Variants in SORL1 observed in about 807,000 individuals in gnomAD.
SORL1 encodes the protein sortilin-related receptor.
In SORL1, 127 loss-of-function variants were observed where a neutral mutation model predicts 273.7. That is an observed-to-expected ratio of 0.46 (90% CI 0.40 to 0.54). The LOEUF (loss-of-function observed/expected upper bound fraction) is 0.54. SORL1 is among the 20% of genes least tolerant of loss of function. SORL1 has a pLI of 0.00. For missense variants in SORL1, 2,494 were observed against 2,846.1 expected (o/e 0.88, Z 2.81); for synonymous variants, 1,031 against 1,067.4 (o/e 0.97, Z 0.66).
chr11:121,505,023 A>G (rs1293772317), intron 6 of SORL1, among the ~76,000 whole-genome samples: 2 of 152,100 alleles, frequency 1.3e-5, no homozygotes, highest in African/African-American at 4.8e-5. Flanking sequence ...CATATGTTAA[A>G]CCAATGCACA....
At chr11:121,537,496 A>G (rs541568654) in intron 12 of SORL1, among the ~76,000 whole-genome samples, 14 of 152,266 alleles carry the variant, frequency 9.2e-5, no homozygotes, top group Middle Eastern at 6.8e-3. Flanking sequence ...GTAGGCTTGC[A>G]GGGCTGTATA....
chr11:121,512,389 A>G (rs972088394), intron 6 of SORL1, among the ~76,000 whole-genome samples: 5 of 152,202 alleles, frequency 3.3e-5, no homozygotes, highest in African/African-American at 7.2e-5. Flanking sequence ...CTAAAATGCA[A>G]TGTGATGTGG....
At chr11:121,545,176 G>T in intron 13 of SORL1, 67 bp from the exon 14 acceptor site, 2 of 1,490,982 alleles carry the variant, frequency 1.3e-6, no homozygotes, top group Non-Finnish European at 1.9e-6. Context: ...CAGGCACCTT[G>T]AGGCATAGCA....
chr11:121,550,523 G>C lies in SORL1; in HGVS notation c.2181-62G>C, dbSNP rs945740321. 5.8e-5 allele frequency: 83 copies of C among 1,418,870 alleles called. No individual in the cohort carries two copies. The highest frequency in any genetic ancestry group is 7.8e-5 in the Non-Finnish European group (78 of 1,003,550). The allele number at this position is 1,418,870 out of a possible 1,614,324, so 87.9% of individuals were successfully genotyped here. On this transcript the variant is annotated intron_variant, in intron 15 of 47. Transcript: ENST00000260197. This position sits in a 1 kb window ranked among gnomAD's most constrained non-coding sequence, Gnocchi z 5.3. ...GTGGGTAGTAAGTGTATTCCCAGCTGGGATGCCTTTGTGGCTATTCTTCCA... is the reference window on the plus strand; with the variant it reads ...GTGGGTAGTAAGTGTATTCCCAGCTCGGATGCCTTTGTGGCTATTCTTCCA...
chr11:121,559,143 C>T (rs1198307131), intron 20 of SORL1, among the ~76,000 whole-genome samples: 9 of 152,146 alleles, frequency 5.9e-5, no homozygotes, highest in Admixed American at 5.9e-4. Context: ...TTTTTGTGCG[C>T]TTTGCTCACT....
rs150573561 is a variant in SORL1, at chr11:121,523,093, A to G, written c.1596+104A>G. 619 of 782,562 alleles carry G rather than the reference A, an allele frequency of 7.9e-4. 6 individuals are homozygous for G. In the African/African-American group the frequency reaches 8.9e-3, roughly 11 times the overall value. 48.5% of individuals were successfully genotyped at this position (782,562 alleles called of 1,614,324 possible). A position where few individuals can be genotyped will look rare whatever the true frequency, so the allele number is the denominator to read the frequency against. On this transcript the variant is annotated intron_variant, in intron 11 of 47. Coordinates refer to ENST00000260197, the MANE Select transcript of SORL1 (RefSeq NM_003105.6). The stretch of plus-strand genomic sequence containing the variant: ...CAGGGACACAAATGGTCCATGGCAG[A>G]GACCAGTAATGCCAGATATGACTAT...
At position 121,587,936 on chromosome 11, in the gene SORL1, G is replaced by A. The variant is rs17125497; in HGVS notation, c.3815-84G>A. ...ACTGTTGCTTCCTGAAGCCACATCT[G>A]TACTCGTGTGCACTTGCCCAGGGCT... On this transcript the variant is annotated intron_variant, in intron 27 of 47. Coordinates refer to ENST00000260197, the MANE Select transcript of SORL1 (RefSeq NM_003105.6). 17,892 of 1,541,906 alleles carry A rather than the reference G, an allele frequency of 0.012. 1,304 individuals carry two copies. The East Asian group carries it at 0.22, about 19-fold the overall frequency.
At position 121,578,131 on chromosome 11, in the gene SORL1, C is replaced by T. The variant is rs951966906; in HGVS notation, c.3580+731C>T. 2.0e-5 allele frequency among the ~76,000 whole-genome samples: 3 copies of T among 152,200 alleles called. 1 individual carries two copies. Among genetic ancestry groups the T allele is most frequent in the South Asian group, 4.1e-4 (2 of 4,830 alleles). The stretch of plus-strand genomic sequence containing the variant: ...AATTTTTGTTCCAGATTTTATTACT[C>T]ATTGAGTAAATTTGCTCTACAGCCT... On this transcript the variant is annotated intron_variant, in intron 25 of 47. Transcript: ENST00000260197.
intron 23 of SORL1, among the ~76,000 whole-genome samples, chr11:121,572,276 C>T (rs1406427486): frequency 6.6e-6 from 1 of 152,166 alleles, no homozygotes; most frequent in African/African-American, 2.4e-5. Context: ...CCTGCTGCCT[C>T]CAATGGCTTC....
intron 35 of SORL1, 46 bp downstream of exon 35, chr11:121,605,617 CG>C: frequency 6.5e-7 from 1 of 1,540,720 alleles, no homozygotes; most frequent in Non-Finnish European, 8.9e-7. Context: ...GACCTCAGGT[CG>C]GGGTTTGTGA....
chr11:121,496,240 GC>G (rs1861627501), intron 5 of SORL1, among the ~76,000 whole-genome samples: 1 of 152,226 alleles, frequency 6.6e-6, no homozygotes, highest in African/African-American at 2.4e-5. Flanking sequence ...TGTGGTGTTT[GC>G]AAAAGCACAG....
intron 6 of SORL1, among the ~76,000 whole-genome samples, chr11:121,506,506 A>C (rs1861789618): frequency 6.6e-6 from 1 of 152,164 alleles, no homozygotes; most frequent in Non-Finnish European, 1.5e-5. Flanking sequence ...ATCTCATGAG[A>C]CTTATTCACT....
intron 25 of SORL1, among the ~76,000 whole-genome samples, chr11:121,582,465 G>T (rs902867395): frequency 2.6e-5 from 4 of 152,246 alleles, no homozygotes; most frequent in African/African-American, 9.6e-5. Flanking sequence ...CTTGCATTCA[G>T]CAATGAACAG....
chr11:121,553,799 T>A, intron 16 of SORL1, 138 bp from the exon 17 acceptor site: 1 of 782,384 alleles, frequency 1.3e-6, no homozygotes, highest in East Asian at 2.5e-5. Flanking sequence ...GAGTCTTGAT[T>A]TCTGTGCTCT....
chr11:121,605,498 T>TA lies in SORL1; in HGVS notation c.4878dup (p.Val1627SerfsTer14). ...TGAAACCAGATACCACGTATCAGGT[T>TA]AAAGTACAGGTTCAGTGTCTCAGCA... On this transcript the variant is annotated frameshift_variant, in exon 35 of 48. Coordinates refer to ENST00000260197, the MANE Select transcript of SORL1 (RefSeq NM_003105.6). LOFTEE classifies it high-confidence loss of function. 6.2e-7 allele frequency: 1 copy of TA among 1,614,162 alleles called. No individual in the cohort carries two copies. The highest frequency in any genetic ancestry group is 8.5e-7 in the Non-Finnish European group (1 of 1,179,992).
intron 6 of SORL1, among the ~76,000 whole-genome samples, chr11:121,511,463 A>T (rs6589884): frequency 0.19 from 29,117 of 152,200 alleles, 3,460 homozygotes; most frequent in African/African-American, 0.31. Context: ...ATCATCTGAC[A>T]TAGCCATGAC....
intron 21 of SORL1, among the ~76,000 whole-genome samples, chr11:121,561,690 G>GAAAAA (rs34672730): frequency 9.1e-6 from 1 of 109,942 alleles, no homozygotes; most frequent in Non-Finnish European, 1.8e-5. Context: ...CCCTGTCACC[G>GAAAAA]AAAAAAAAAA....
intron 41 of SORL1, among the ~76,000 whole-genome samples, chr11:121,616,215 G>T (rs1863637880): frequency 6.6e-6 from 1 of 152,124 alleles, no homozygotes; most frequent in Non-Finnish European, 1.5e-5. Context: ...AGCCTGACTT[G>T]ATTTAGGGTC....
chr11:121,606,759 T>G, intron 35 of SORL1, 86 bp from the exon 36 acceptor site: 234 of 716,774 alleles, frequency 3.3e-4, no homozygotes, highest in Middle Eastern at 6.3e-4. Context: ...GTGGAGTCGT[T>G]CTTGTCCTTG....
Sources: gnomAD v4.1 joint callset for allele counts (sites outside exome capture counted in the v4.1 genomes callset) on GRCh38, gnomAD v4.1.1 for gene constraint, Gnocchi (gnomAD v3.1) non-coding constraint, MANE v1.5 for transcripts, NCBI Gene and HGNC (gene_info 2026-07-23, HGNC 2026-07-21) for gene names.